Variants in RAPGEF2 observed in about 807,000 individuals in gnomAD.
The protein encoded by RAPGEF2 is PDZ domain containing guanine nucleotide exchange factor (GEF) 1.
In RAPGEF2, 54 loss-of-function variants were observed where a neutral mutation model predicts 186.7. The ratio of observed to expected loss-of-function variants is 0.29; its 90% CI spans 0.23 to 0.36. The LOEUF is 0.36. Ranked by LOEUF, RAPGEF2 falls within the 10% of genes least tolerant of loss-of-function variation. The probability of loss-of-function intolerance (pLI) is 1.00; values close to 1 mark genes in which losing one functional copy is unlikely to be tolerated. For synonymous variants in RAPGEF2, 712 were observed against 705.9 expected, an observed-to-expected ratio of 1.01 and a Z score of -0.14; for missense variants, 1,532 against 2,045.0, an observed-to-expected ratio of 0.75 and a Z score of 4.84.
intron 1 of RAPGEF2, among the ~76,000 whole-genome samples, chr4:159,144,053 G>A (rs1742641807): frequency 1.3e-5 from 2 of 152,128 alleles, no homozygotes; most frequent in East Asian, 1.9e-4. Flanking sequence ...CAGTGAAACC[G>A]TGTAAAGAAC....
chr4:159,332,898 A>G (rs1766886598), intron 17 of RAPGEF2: 12 of 449,028 alleles, frequency 2.7e-5, no homozygotes, highest in Non-Finnish European at 4.1e-5. Context: ...AATCTTCTTT[A>G]AAGATAGTTT....
Position 159,339,215 on chromosome 4 carries a change from A to C in RAPGEF2, c.2395A>C (p.Ile799Leu), listed in dbSNP as rs1332747308. 5 of 1,614,162 alleles carry C rather than the reference A, an allele frequency of 3.1e-6. No individual in the cohort carries two copies. Among genetic ancestry groups the C allele is most frequent in the Non-Finnish European group, 2.5e-6 (3 of 1,180,008 alleles). The change falls in exon 19 of 30, where the codon ATC becomes CTC. Residue 799 changes from isoleucine to leucine, a missense_variant. By Grantham distance (5) the Ile-to-Leu change is conservative (BLOSUM62 2). Around this residue, in one of 4 missense-constraint regions of RAPGEF2, gnomAD observed 810 missense variants for 1,210.5 expected, o/e 0.67. Coordinates refer to ENST00000691494, the MANE Select transcript of RAPGEF2 (RefSeq NM_001394067.2). ...TTAKEVVIQA[I>L]REFAVTATPD... Reference sequence around the variant, plus strand: ...AGCAAAGGAAGTGGTCATTCAGGCTATCAGGGAGTTTGCTGTTACTGCCAC... The same window carrying C: ...AGCAAAGGAAGTGGTCATTCAGGCTCTCAGGGAGTTTGCTGTTACTGCCAC...
intron 7 of RAPGEF2, among the ~76,000 whole-genome samples, chr4:159,251,773 A>G (rs569127986): frequency 2.1e-4 from 32 of 151,142 alleles, no homozygotes; most frequent in African/African-American, 7.9e-4. Context: ...AAATGGACCA[A>G]TCAGCTCTCT....
At chr4:159,215,738 C>T (rs1406438233) in intron 4 of RAPGEF2, among the ~76,000 whole-genome samples, 1 of 152,116 alleles carries the variant, frequency 6.6e-6, no homozygotes, top group African/African-American at 2.4e-5. Context: ...AGAGGAATCT[C>T]TTCACTTTCT....
At chr4:159,125,388 T>C (rs533400731) in intron 1 of RAPGEF2, among the ~76,000 whole-genome samples, 57 of 152,330 alleles carry the variant, frequency 3.7e-4, no homozygotes, top group African/African-American at 1.3e-3. Context: ...CCAGAGTTTG[T>C]ATTCCGTTTT....
intron 19 of RAPGEF2, among the ~76,000 whole-genome samples, chr4:159,340,089 C>G (rs1192752052): frequency 6.6e-6 from 1 of 152,170 alleles, no homozygotes; most frequent in African/African-American, 2.4e-5. Flanking sequence ...TGCTTTGGTT[C>G]TCATAGTGGC....
At chr4:159,257,834 A>G (rs1458484560) in intron 7 of RAPGEF2, among the ~76,000 whole-genome samples, 1 of 152,122 alleles carries the variant, frequency 6.6e-6, no homozygotes, top group Non-Finnish European at 1.5e-5. Flanking sequence ...GTAGACTTGT[A>G]TAATTTGAAG....
intron 3 of RAPGEF2, among the ~76,000 whole-genome samples, chr4:159,198,294 CTT>C (rs1300412191): frequency 0.068 from 2,774 of 40,722 alleles, 218 homozygotes; most frequent in African/African-American, 0.25. Flanking sequence ...TTCTTTCTTT[CTT>C]TCTTTCTTTC....
At chr4:159,120,918 A>C (rs996981391) in intron 1 of RAPGEF2, among the ~76,000 whole-genome samples, 4 of 151,592 alleles carry the variant, frequency 2.6e-5, no homozygotes, top group Non-Finnish European at 1.5e-5. Context: ...GCAGTGGCGC[A>C]ATCTTGGCTC....
chr4:159,246,893 ACTTCAAATTTTAC>A (rs1278432353), intron 7 of RAPGEF2, among the ~76,000 whole-genome samples: 1 of 152,118 alleles, frequency 6.6e-6, no homozygotes, highest in African/African-American at 2.4e-5. Context: ...ATATTTAAGG[ACTTCAAATTTTAC>A]CTTCAGTTTA....
At chr4:159,344,952 G>A (rs1447443396) in intron 23 of RAPGEF2, among the ~76,000 whole-genome samples, 154 bp from the exon 24 acceptor site, 1 of 152,110 alleles carries the variant, frequency 6.6e-6, no homozygotes, top group African/African-American at 2.4e-5. Context: ...TTTAAAATCT[G>A]TATTATTCTA....
In RAPGEF2 at chr4:159,335,409, A is replaced by G. The variant is rs567991678; in HGVS notation, c.2135+2712A>G. 2.0e-4 allele frequency among the ~76,000 whole-genome samples: 31 copies of G among 152,312 alleles called. 1 individual carries two copies. In the Middle Eastern group the frequency reaches 0.031, roughly 150 times the overall value. On this transcript the variant is annotated intron_variant, in intron 17 of 29. Coordinates refer to ENST00000691494, the MANE Select transcript of RAPGEF2 (RefSeq NM_001394067.2). ...TAAGAGGATGTGCCCAGAGAGGGAC[A>G]TTTCTGAATTAGGTCTTGGATATAA...
At chr4:159,147,678 G>A (rs1389207129) in intron 1 of RAPGEF2, among the ~76,000 whole-genome samples, 1 of 152,236 alleles carries the variant, frequency 6.6e-6, no homozygotes, top group Non-Finnish European at 1.5e-5. Context: ...AATGCATACT[G>A]TAGTTGAATA....
chr4:159,347,477 A>T lies in RAPGEF2; in HGVS notation c.3712+479A>T, dbSNP rs13147632. Among the ~76,000 whole-genome samples, 10 of 152,234 alleles carry T rather than the reference A, an allele frequency of 6.6e-5. No individual in the cohort carries two copies. The East Asian group carries it at 1.4e-3, about 21-fold the overall frequency. ...ATATGAAGGAGCTAAATTACACTTCATCTTTCCTACTAAAAGAAAAACATC... is the reference window on the plus strand; with the variant it reads ...ATATGAAGGAGCTAAATTACACTTCTTCTTTCCTACTAAAAGAAAAACATC... On this transcript the variant is annotated intron_variant, in intron 25 of 29. Coordinates refer to ENST00000691494, the MANE Select transcript of RAPGEF2 (RefSeq NM_001394067.2).
At chr4:159,356,633 G>T in intron 29 of RAPGEF2, among the ~76,000 whole-genome samples, 1 of 152,182 alleles carries the variant, frequency 6.6e-6, no homozygotes, top group East Asian at 1.9e-4. Flanking sequence ...AGGTGCGATG[G>T]CTTACACCTG....
At chr4:159,297,709 C>T (rs1175576755) in intron 7 of RAPGEF2, among the ~76,000 whole-genome samples, 1 of 152,106 alleles carries the variant, frequency 6.6e-6, no homozygotes, top group Non-Finnish European at 1.5e-5. Context: ...CAAGTTGTTT[C>T]TTTGGTTGGC....
intron 1 of RAPGEF2, among the ~76,000 whole-genome samples, chr4:159,122,874 A>G (rs751244395): frequency 7.9e-5 from 12 of 152,230 alleles, no homozygotes; most frequent in Non-Finnish European, 1.5e-4. Context: ...ATTATAAGAA[A>G]AAGTTGAATT....
chr4:159,240,395 G>A (rs1332006888), intron 5 of RAPGEF2, among the ~76,000 whole-genome samples: 1 of 135,084 alleles, frequency 7.4e-6, no homozygotes, highest in African/African-American at 3.0e-5. Context: ...GTGCAGTGGC[G>A]CGATCTCAGC....
intron 7 of RAPGEF2, among the ~76,000 whole-genome samples, chr4:159,281,147 A>G (rs1759645872): frequency 6.6e-6 from 1 of 151,844 alleles, no homozygotes; most frequent in South Asian, 2.1e-4. Flanking sequence ...ACGCACTACC[A>G]CGTGCAGCTA....
Sources: gnomAD v4.1 joint callset for allele counts (sites outside exome capture counted in the v4.1 genomes callset) on GRCh38, gnomAD v4.1.1 for gene constraint, gnomAD v4.1.1 regional missense constraint, MANE v1.5 for transcripts, NCBI Gene and HGNC (gene_info 2026-07-23, HGNC 2026-07-21) for gene names.